Variants in MNAT1 observed in about 807,000 individuals in gnomAD.
MNAT1 encodes CDK-activating kinase assembly factor MAT1.
Under a neutral mutation model 42.0 loss-of-function variants are expected in MNAT1, and 43 were observed. That is an observed-to-expected ratio of 1.02 (90% CI 0.80 to 1.32). The LOEUF (loss-of-function observed/expected upper bound fraction) is 1.32. MNAT1 is among the 40% of genes most tolerant of loss of function. The pLI is 0.00. For synonymous variants in MNAT1, 118 were observed against 120.0 expected (o/e 0.98, Z 0.11); for missense variants, 306 against 350.4 (o/e 0.87, Z 1.01).
At chr14:60,876,119 A>C (rs887194711) in intron 6 of MNAT1, among the ~76,000 whole-genome samples, 1 of 152,080 alleles carries the variant, frequency 6.6e-6, no homozygotes, top group Non-Finnish European at 1.5e-5. Context: ...TGAAGAAGAC[A>C]CTTTGAAATA....
intron 1 of MNAT1, among the ~76,000 whole-genome samples, chr14:60,748,834 C>T (rs1446665563): frequency 6.6e-6 from 1 of 152,072 alleles, no homozygotes; most frequent in Non-Finnish European, 1.5e-5. Flanking sequence ...TAAGAAGTCA[C>T]AGTATCGTAA....
At chr14:60,951,244 C>G (rs2036376123) in intron 7 of MNAT1, among the ~76,000 whole-genome samples, 1 of 143,844 alleles carries the variant, frequency 7.0e-6, no homozygotes, top group South Asian at 2.2e-4. Context: ...CCTTAGAATG[C>G]TTAAACTCAG....
chr14:60,746,108 C>T (rs1466887043), intron 1 of MNAT1, among the ~76,000 whole-genome samples: 2 of 152,146 alleles, frequency 1.3e-5, no homozygotes, highest in Admixed American at 1.3e-4. Flanking sequence ...TCTAGTTTCA[C>T]CATAGACTAG....
At chr14:60,769,578 C>T (rs553472817) in intron 1 of MNAT1, among the ~76,000 whole-genome samples, 1 of 152,248 alleles carries the variant, frequency 6.6e-6, no homozygotes, top group Non-Finnish European at 1.5e-5. Flanking sequence ...GCCACTGCAC[C>T]TGGCTAAGAA....
chr14:60,875,622 A>G (rs918758751), intron 6 of MNAT1, among the ~76,000 whole-genome samples: 1 of 152,152 alleles, frequency 6.6e-6, no homozygotes, highest in Admixed American at 6.6e-5. Context: ...CCTTTAGCAT[A>G]GTGCCTAGCA....
intron 6 of MNAT1, among the ~76,000 whole-genome samples, chr14:60,832,134 A>G (rs1001007915): frequency 2.0e-5 from 3 of 152,008 alleles, no homozygotes; most frequent in Non-Finnish European, 2.9e-5. Context: ...TAGGTTGCCT[A>G]TTCACTCTGA....
intron 1 of MNAT1, among the ~76,000 whole-genome samples, chr14:60,738,885 G>A (rs1257645504): frequency 6.6e-6 from 1 of 152,062 alleles, no homozygotes; most frequent in Non-Finnish European, 1.5e-5. Flanking sequence ...GAGTTTTTAT[G>A]GCATATATTT....
intron 1 of MNAT1, among the ~76,000 whole-genome samples, chr14:60,766,344 CAA>C (rs756705275): frequency 9.2e-5 from 10 of 108,446 alleles, no homozygotes; most frequent in Admixed American, 9.7e-5. Context: ...GAGACTCTGT[CAA>C]AAAAAAAAAA....
At chr14:60,948,056 A>G in intron 7 of MNAT1, among the ~76,000 whole-genome samples, 1 of 152,010 alleles carries the variant, frequency 6.6e-6, no homozygotes, top group Non-Finnish European at 1.5e-5. Flanking sequence ...CTTTTCTACA[A>G]AGGTAAATTT....
At chr14:60,842,022 C>A (rs149899467) in intron 6 of MNAT1, among the ~76,000 whole-genome samples, 1 of 152,190 alleles carries the variant, frequency 6.6e-6, no homozygotes. Context: ...AAAACCCAGA[C>A]AAAAGTTGAG....
chr14:60,750,725 A>G (rs530910648), intron 1 of MNAT1, among the ~76,000 whole-genome samples: 2 of 152,228 alleles, frequency 1.3e-5, no homozygotes, highest in Non-Finnish European at 2.9e-5. Context: ...GATTTAGGAA[A>G]AGGTCCTTTG....
chr14:60,803,930 A>G (rs1473997874), intron 3 of MNAT1, among the ~76,000 whole-genome samples: 1 of 152,198 alleles, frequency 6.6e-6, no homozygotes, highest in Non-Finnish European at 1.5e-5. Context: ...TTCTGTGGTT[A>G]TGACAATCTA....
chr14:60,765,735 A>G (rs1053438947), intron 1 of MNAT1, among the ~76,000 whole-genome samples: 2 of 152,256 alleles, frequency 1.3e-5, no homozygotes, highest in African/African-American at 4.8e-5. Flanking sequence ...TTATGGTTAG[A>G]CTGAATATAA....
intron 5 of MNAT1, among the ~76,000 whole-genome samples, chr14:60,813,771 T>C (rs770495008): frequency 5.9e-5 from 9 of 152,332 alleles, no homozygotes; most frequent in Non-Finnish European, 1.2e-4. Context: ...ACTTTCATTT[T>C]CATATTGTAG....
At chr14:60,750,825 A>G (rs1412345500) in intron 1 of MNAT1, among the ~76,000 whole-genome samples, 1 of 152,078 alleles carries the variant, frequency 6.6e-6, no homozygotes, top group African/African-American at 2.4e-5. Context: ...CAAATATACA[A>G]ATGTTGTACG....
intron 7 of MNAT1, among the ~76,000 whole-genome samples, chr14:60,959,984 G>T (rs2036559553): frequency 7.2e-6 from 1 of 138,610 alleles, no homozygotes. Flanking sequence ...CATGTACATA[G>T]CTGTAACTTA....
intron 7 of MNAT1, among the ~76,000 whole-genome samples, chr14:60,898,814 G>A (rs2035016574): frequency 6.6e-6 from 1 of 151,962 alleles, no homozygotes; most frequent in Non-Finnish European, 1.5e-5. Context: ...TGAGGTCTTA[G>A]CCATAAAATC....
intron 7 of MNAT1, among the ~76,000 whole-genome samples, chr14:60,901,417 T>G (rs1397545927): frequency 6.6e-6 from 1 of 152,208 alleles, no homozygotes; most frequent in Admixed American, 6.5e-5. Flanking sequence ...ACATCCATTC[T>G]AAAGCCCATG....
At chr14:60,940,275 A>T (rs147202280) in intron 7 of MNAT1, among the ~76,000 whole-genome samples, 3 of 152,178 alleles carry the variant, frequency 2.0e-5, no homozygotes, top group African/African-American at 2.4e-5. Flanking sequence ...TCCTGTCAGT[A>T]TGATGTTAGC....
Sources: gnomAD v4.1 joint callset for allele counts (sites outside exome capture counted in the v4.1 genomes callset) on GRCh38, gnomAD v4.1.1 for gene constraint, MANE v1.5 for transcripts, NCBI Gene and HGNC (gene_info 2026-07-23, HGNC 2026-07-21) for gene names.